Variants in STK3 observed in about 807,000 individuals in gnomAD.
STK3 encodes the protein serine/threonine kinase 3.
STK3 carries 41 observed loss-of-function variants against 58.0 expected under a neutral mutation model. The ratio of observed to expected loss-of-function variants is 0.71; its 90% CI spans 0.55 to 0.92. The LOEUF (loss-of-function observed/expected upper bound fraction) is 0.92. Ranked by LOEUF, STK3 falls within the 40% of genes least tolerant of loss-of-function variation. STK3 has a pLI of 0.00. For synonymous variants in STK3, 170 were observed against 191.0 expected (o/e 0.89, Z 0.91); for missense variants, 479 against 602.7 (o/e 0.79, Z 2.15).
intron 1 of STK3, among the ~76,000 whole-genome samples, chr8:98,793,435 A>G (rs1216772068): frequency 6.6e-6 from 1 of 152,178 alleles, no homozygotes; most frequent in African/African-American, 2.4e-5. Context: ...CTACTCAGGA[A>G]GCTGAGATGG....
At chr8:98,348,741 A>C in the STK3 span, among the ~76,000 whole-genome samples, 1 of 152,252 alleles carries the variant, frequency 6.6e-6, no homozygotes, top group Non-Finnish European at 1.5e-5. Flanking sequence ...TGAAAATTCA[A>C]GACACTGATA....
intron 8 of STK3, among the ~76,000 whole-genome samples, chr8:98,552,306 G>C (rs1269815621): frequency 6.6e-6 from 1 of 152,030 alleles, no homozygotes; most frequent in East Asian, 1.9e-4. Context: ...CCCTTCAGAA[G>C]ACAAATGACA....
intron 6 of STK3, among the ~76,000 whole-genome samples, chr8:98,686,922 G>T (rs1391117949): frequency 6.6e-6 from 1 of 152,086 alleles, no homozygotes. Flanking sequence ...CAAGAAATAT[G>T]AGATTATATA....
At chr8:98,569,152 A>G (rs376777167) in intron 8 of STK3, among the ~76,000 whole-genome samples, 2 of 152,212 alleles carry the variant, frequency 1.3e-5, no homozygotes, top group South Asian at 2.1e-4. Flanking sequence ...ATTATAAAAG[A>G]AAGTTATTTT....
intron 6 of STK3, among the ~76,000 whole-genome samples, chr8:98,695,656 T>C (rs551925204): frequency 2.0e-5 from 3 of 152,352 alleles, no homozygotes; most frequent in Admixed American, 6.5e-5. Flanking sequence ...CAGATAGTTG[T>C]AGATATGAAG....
At chr8:98,747,802 T>G (rs541724498) in intron 4 of STK3, among the ~76,000 whole-genome samples, 1 of 152,170 alleles carries the variant, frequency 6.6e-6, no homozygotes, top group Non-Finnish European at 1.5e-5. Flanking sequence ...ACTCTTACCA[T>G]GCCATCCCAG....
At chr8:98,611,130 C>A (rs1273677001) in intron 6 of STK3, among the ~76,000 whole-genome samples, 1 of 151,922 alleles carries the variant, frequency 6.6e-6, no homozygotes, top group African/African-American at 2.4e-5. Flanking sequence ...GATTGAATCA[C>A]AATAAAACAA....
intron 4 of STK3, among the ~76,000 whole-genome samples, chr8:98,735,579 G>A (rs190227329): frequency 5.3e-4 from 80 of 152,216 alleles, no homozygotes; most frequent in African/African-American, 1.7e-3. Context: ...TAATCTTACA[G>A]TGATTTTTAC....
chr8:98,752,908 C>G (rs1459390406), intron 3 of STK3, among the ~76,000 whole-genome samples: 1 of 151,344 alleles, frequency 6.6e-6, no homozygotes, highest in East Asian at 1.9e-4. Flanking sequence ...CAATGAGATA[C>G]CATGTTACAC....
chr8:98,724,131 A>G (rs184482741), intron 4 of STK3, among the ~76,000 whole-genome samples: 114 of 152,320 alleles, frequency 7.5e-4, no homozygotes, highest in Non-Finnish European at 1.4e-3. Context: ...TACAATACTA[A>G]GCGATGCCTG....
chr8:98,749,978 T>C (rs1409482869), intron 3 of STK3, among the ~76,000 whole-genome samples: 1 of 152,140 alleles, frequency 6.6e-6, no homozygotes. Flanking sequence ...CAGGAAGATT[T>C]AGAAAGGGAC....
Position 98,526,931 on chromosome 8 carries a change from A to G in STK3, c.1142-14T>C, listed in dbSNP as rs1474907069. On this transcript the variant is annotated splice_polypyrimidine_tract_variant and intron_variant, in intron 9 of 10. Coordinates refer to ENST00000419617, the MANE Select transcript of STK3 (RefSeq NM_006281.4). ...AGGTTGCATTTCCTTAGGTAAACAA[A>G]GAACATAAGGAAGGTATAAGTTCTT... The G allele has an allele frequency of 2.0e-6, 3 of 1,522,372 alleles. No homozygotes were observed. Among genetic ancestry groups the G allele is most frequent in the Non-Finnish European group, 2.7e-6 (3 of 1,129,190 alleles). 94.3% of individuals were successfully genotyped at this position (1,522,372 alleles called of 1,614,324 possible).
chr8:98,675,251 T>C (rs1823113398), intron 6 of STK3, among the ~76,000 whole-genome samples: 1 of 152,226 alleles, frequency 6.6e-6, no homozygotes, highest in African/African-American at 2.4e-5. Context: ...GAAAGAACTC[T>C]CCAACTACAA....
intron 1 of STK3, among the ~76,000 whole-genome samples, chr8:98,789,824 CA>C (rs1832692321): frequency 6.6e-6 from 1 of 152,050 alleles, no homozygotes; most frequent in African/African-American, 2.4e-5. Flanking sequence ...ATCAGGAGTT[CA>C]AGACCAGCCT....
In STK3 at chr8:98,428,335, G is replaced by GCAGCTA. The variant is rs1448835761; in HGVS notation, n.483+5786_483+5791dup. The GCAGCTA allele has an allele frequency of 6.2e-7, 1 of 1,614,038 alleles. No homozygotes were observed. Among genetic ancestry groups the GCAGCTA allele is most frequent in the Non-Finnish European group, 8.5e-7 (1 of 1,180,036 alleles). ...AACGAGTTCTTCATTGACTCCTGCTGCAGCTACAGCTACCATGGCCGCAAA... is the reference window on the plus strand; with the variant it reads ...AACGAGTTCTTCATTGACTCCTGCTGCAGCTACAGCTACAGCTACCATGGCCGCAAA... On this transcript the variant is annotated intron_variant and non_coding_transcript_variant, in intron 3 of 3. Coordinates refer to the STK3 transcript ENST00000517832. The surrounding 1 kb of genome is among the most constrained non-coding windows in gnomAD (Gnocchi z 6.7).
At position 98,853,094 on chromosome 8, in the gene STK3, T is replaced by TTA. The variant is rs906936811; in HGVS notation, c.110+30551_110+30552dup. On this transcript the variant is annotated intron_variant, in intron 3 of 12. Coordinates refer to the STK3 transcript ENST00000523601. ...ATGTGTAGTTCTAAGGAATATGAAA[T>TTA]TATATATATATTAATATTAAATTAA... Among the ~76,000 whole-genome samples the TTA allele has an allele frequency of 2.1e-4, 32 of 151,826 alleles. 1 individual carries two copies. Among genetic ancestry groups the TTA allele is most frequent in the African/African-American group, 7.2e-4 (30 of 41,486 alleles).
chr8:98,850,916 C>T (rs1377294168), intron 3 of STK3, among the ~76,000 whole-genome samples: 1 of 152,166 alleles, frequency 6.6e-6, no homozygotes, highest in Non-Finnish European at 1.5e-5. Context: ...ACTGCAGCCA[C>T]AATGGTGAGA....
chr8:98,808,900 G>T (rs1236836538), intron 1 of STK3, among the ~76,000 whole-genome samples: 1 of 152,158 alleles, frequency 6.6e-6, no homozygotes, highest in Non-Finnish European at 1.5e-5. Context: ...TACATAGTCA[G>T]AACTTTCAGC....
chr8:98,625,948 T>C (rs1289572295), intron 6 of STK3, among the ~76,000 whole-genome samples: 1 of 152,128 alleles, frequency 6.6e-6, no homozygotes, highest in Non-Finnish European at 1.5e-5. Context: ...TACCCTACTA[T>C]AACCCTGAAA....
Sources: allele counts gnomAD v4.1 joint callset (sites outside exome capture counted in the v4.1 genomes callset), GRCh38; gene constraint gnomAD v4.1.1; non-coding constraint Gnocchi (gnomAD v3.1); transcripts MANE v1.5; gene names NCBI Gene and HGNC (gene_info 2026-07-23, HGNC 2026-07-21).